Variants in PHLPP1 observed in about 807,000 individuals in gnomAD.
The protein encoded by PHLPP1 is PH domain and leucine rich repeat protein phosphatase 1.
A neutral mutation model predicts 117.2 loss-of-function variants in PHLPP1; 42 were observed. The ratio of observed to expected loss-of-function variants is 0.36; its 90% confidence interval spans 0.28 to 0.46. The LOEUF (loss-of-function observed/expected upper bound fraction) is 0.46, where lower values mean the gene tolerates loss of function less well. Among genes scored for constraint, PHLPP1 ranks in the 20% least tolerant of loss-of-function variants. The probability of loss-of-function intolerance (pLI) is 1.00; values close to 1 mark genes in which losing one functional copy is unlikely to be tolerated. For missense variants in PHLPP1, 2,084 were observed against 2,241.9 expected, an observed-to-expected ratio of 0.93 and a Z score of 1.42; for synonymous variants, 1,042 against 970.7, an observed-to-expected ratio of 1.07 and a Z score of -1.37.
At chr18:62,923,667 T>A (rs1909541627) in intron 10 of PHLPP1, among the ~76,000 whole-genome samples, 1 of 152,166 alleles carries the variant, frequency 6.6e-6, no homozygotes, top group South Asian at 2.1e-4. Context: ...ATAATGGAAA[T>A]TTTTACCTAC....
chr18:62,902,629 G>A (rs1448370547), intron 6 of PHLPP1, among the ~76,000 whole-genome samples: 2 of 151,958 alleles, frequency 1.3e-5, no homozygotes, highest in Non-Finnish European at 2.9e-5. Context: ...TTCCTTGGAT[G>A]TCAGTTCCTA....
At chr18:62,963,022 C>G (rs1036956234) in intron 13 of PHLPP1, among the ~76,000 whole-genome samples, 5 of 152,120 alleles carry the variant, frequency 3.3e-5, no homozygotes, top group Admixed American at 2.0e-4. Flanking sequence ...AAGAATACAC[C>G]CATCCTATTA....
chr18:62,751,777 TG>T (rs1911862043), intron 1 of PHLPP1, among the ~76,000 whole-genome samples: 1 of 152,106 alleles, frequency 6.6e-6, no homozygotes, highest in Non-Finnish European at 1.5e-5. Flanking sequence ...AAGGACTATG[TG>T]GGTCTTTCCC....
intron 9 of PHLPP1, among the ~76,000 whole-genome samples, 168 bp downstream of exon 9, chr18:62,915,176 C>T (rs1353416411): frequency 6.6e-6 from 1 of 152,176 alleles, no homozygotes; most frequent in African/African-American, 2.4e-5. Flanking sequence ...TTGCTTCATG[C>T]AGTGCAGTGA....
intron 1 of PHLPP1, among the ~76,000 whole-genome samples, chr18:62,813,516 C>T (rs1357764524): frequency 1.3e-5 from 2 of 152,210 alleles, no homozygotes; most frequent in Non-Finnish European, 2.9e-5. Context: ...TCACTCTTCT[C>T]TCTGACCTGA....
At chr18:62,968,529 C>CTTTTTTTTT (rs34849907) in intron 14 of PHLPP1, among the ~76,000 whole-genome samples, 4 of 51,778 alleles carry the variant, frequency 7.7e-5, no homozygotes, top group Non-Finnish European at 1.1e-4. Context: ...CATTATTAGG[C>CTTTTTTTTT]TTTTTTTTTT....
At chr18:62,973,259 G>T (rs1911101751) in intron 15 of PHLPP1, among the ~76,000 whole-genome samples, 1 of 152,204 alleles carries the variant, frequency 6.6e-6, no homozygotes, top group Non-Finnish European at 1.5e-5. Flanking sequence ...AGAATCCTAG[G>T]CCATAGCCTG....
intron 1 of PHLPP1, among the ~76,000 whole-genome samples, chr18:62,794,802 C>T (rs1425329711): frequency 1.3e-5 from 2 of 152,014 alleles, no homozygotes; most frequent in African/African-American, 4.8e-5. Flanking sequence ...AGGAACTGGC[C>T]CTTGTTATGT....
chr18:62,750,683 A>G (rs1442550763), intron 1 of PHLPP1, among the ~76,000 whole-genome samples: 4 of 148,200 alleles, frequency 2.7e-5, no homozygotes, highest in Admixed American at 6.7e-5. Context: ...ACTGTATTCT[A>G]TAGTTTAACA....
intron 1 of PHLPP1, among the ~76,000 whole-genome samples, chr18:62,793,630 A>G (rs1453771050): frequency 6.6e-6 from 1 of 152,224 alleles, no homozygotes; most frequent in African/African-American, 2.4e-5. Flanking sequence ...TAGGCACTAT[A>G]CCAAATACTA....
At chr18:62,902,106 G>A (rs1008158671) in intron 6 of PHLPP1, among the ~76,000 whole-genome samples, 1 of 151,852 alleles carries the variant, frequency 6.6e-6, no homozygotes, top group Non-Finnish European at 1.5e-5. Flanking sequence ...TGTTATTTTG[G>A]TTCCTAGTCC....
chr18:62,768,193 G>T (rs1912618543), intron 1 of PHLPP1, among the ~76,000 whole-genome samples: 1 of 152,172 alleles, frequency 6.6e-6, no homozygotes, highest in South Asian at 2.1e-4. Flanking sequence ...AGTCAAAGAG[G>T]CCACAGCTTG....
At chr18:62,816,027 T>C (rs1350267217) in intron 1 of PHLPP1, among the ~76,000 whole-genome samples, 1 of 152,224 alleles carries the variant, frequency 6.6e-6, no homozygotes, top group Non-Finnish European at 1.5e-5. Flanking sequence ...AATTGCATTA[T>C]AGATGCATTC....
rs771505727 is a variant in PHLPP1, at chr18:62,902,987, T to C, written c.2468T>C (p.Ile823Thr). The C allele has an allele frequency of 6.2e-7, 1 of 1,612,024 alleles. No individual in the cohort carries two copies. Among genetic ancestry groups the C allele is most frequent in the African/African-American group, 1.3e-5 (1 of 75,050 alleles). Reference sequence around the variant, plus strand: ...AGGTTGAACGTAATTAGGAAGCTGATAGCAGATGAAGTGGACTTTCTACAG... The same window carrying C: ...AGGTTGAACGTAATTAGGAAGCTGACAGCAGATGAAGTGGACTTTCTACAG... ...DLRLNVIRKL[I>T]ADEVDFLQHV... Residue 823 changes from isoleucine (I) to threonine (T), a missense_variant, in exon 7 of 17, where the codon ATA (isoleucine) becomes ACA (threonine). Coordinates refer to ENST00000262719, the MANE Select transcript of PHLPP1 (RefSeq NM_194449.4).
chr18:62,947,982 G>A (rs543791464), intron 12 of PHLPP1, among the ~76,000 whole-genome samples: 6 of 151,532 alleles, frequency 4.0e-5, no homozygotes, highest in East Asian at 2.0e-4. Context: ...CCGAGATTGC[G>A]CCACTGCACT....
At chr18:62,962,727 A>G (rs1282404886) in intron 13 of PHLPP1, among the ~76,000 whole-genome samples, 3 of 152,230 alleles carry the variant, frequency 2.0e-5, no homozygotes, top group Non-Finnish European at 2.9e-5. Context: ...CTCCCAGTTT[A>G]AATACATACA....
intron 1 of PHLPP1, among the ~76,000 whole-genome samples, chr18:62,744,710 T>A (rs1217956448): frequency 2.0e-5 from 3 of 152,230 alleles, no homozygotes; most frequent in Non-Finnish European, 4.4e-5. Context: ...GTTTGAAACT[T>A]CAGTGATGTT....
intron 12 of PHLPP1, among the ~76,000 whole-genome samples, chr18:62,946,210 A>T (rs192128758): frequency 6.6e-6 from 1 of 152,212 alleles, no homozygotes; most frequent in African/African-American, 2.4e-5. Context: ...TGTGTTTTAG[A>T]TTAAGAAAGC....
intron 1 of PHLPP1, among the ~76,000 whole-genome samples, chr18:62,787,194 A>G (rs1211767697): frequency 6.6e-6 from 1 of 151,862 alleles, no homozygotes. Context: ...ATTGCTCTCA[A>G]TTTTTGAAAT....
Sources: allele counts gnomAD v4.1 joint callset (sites outside exome capture counted in the v4.1 genomes callset), GRCh38; gene constraint gnomAD v4.1.1; transcripts MANE v1.5; gene names NCBI Gene and HGNC (gene_info 2026-07-23, HGNC 2026-07-21).